Variants in FAM186B observed in about 807,000 individuals in gnomAD.
FAM186B encodes family with sequence similarity 186 member B.
FAM186B carries 68 observed loss-of-function variants against 83.4 expected under a neutral mutation model. The observed-to-expected ratio is 0.81, with a 90% CI of 0.67 to 1.00. The LOEUF is 1.00. Among genes scored for constraint, FAM186B ranks in the 50% least tolerant of loss-of-function variants. The probability of loss-of-function intolerance (pLI) is 0.00; values close to 1 mark genes in which losing one functional copy is unlikely to be tolerated. For missense variants in FAM186B, 983 were observed against 1,099.2 expected, an observed-to-expected ratio of 0.89 and a Z score of 1.49; for synonymous variants, 389 against 422.0, an observed-to-expected ratio of 0.92 and a Z score of 0.96.
At chr12:49,597,100 G>C (rs1271370401) in intron 5 of FAM186B, among the ~76,000 whole-genome samples, 1 of 152,216 alleles carries the variant, frequency 6.6e-6, no homozygotes, top group East Asian at 1.9e-4. Context: ...CAGATTTGCA[G>C]CCTAGCAGCA....
chr12:49,622,317 G>A, the FAM186B span, among the ~76,000 whole-genome samples: 1 of 151,300 alleles, frequency 6.6e-6, no homozygotes, highest in East Asian at 2.0e-4. Context: ...AGGACCCAGC[G>A]TGGGCAGTAC....
In FAM186B at chr12:49,587,571, C is replaced by A; in HGVS notation, c.*34G>T. On this transcript the variant is annotated 3_prime_UTR_variant, in exon 7 of 7. Coordinates refer to ENST00000257894, the MANE Select transcript of FAM186B (RefSeq NM_032130.3). ...ACCATCAGCCTCGCACCTTACTGGGCCTTCAGGAAGTTCAGGCTTTTGTGG... is the reference window on the plus strand; with the variant it reads ...ACCATCAGCCTCGCACCTTACTGGGACTTCAGGAAGTTCAGGCTTTTGTGG... 1 of 1,613,966 alleles carries A rather than the reference C, an allele frequency of 6.2e-7. No individual in the cohort carries two copies. Among genetic ancestry groups the A allele is most frequent in the Non-Finnish European group, 8.5e-7 (1 of 1,179,896 alleles).
rs527736464 is a variant in FAM186B, at chr12:49,600,299, G to A, written c.1341C>T (p.Tyr447=). 114 of 1,614,218 alleles carry A rather than the reference G, an allele frequency of 7.1e-5. 1 individual carries two copies. In the South Asian group the frequency reaches 1.1e-3, roughly 16 times the overall value. ...LGHKDKDQED[Y]FQKGGLQIKF... is the part of the protein sequence containing the mutation. The stretch of plus-strand genomic sequence containing the variant: ...TAATTTGGAGTCCTCCCTTCTGGAA[G>A]TAGTCCTCCTGGTCTTTGTCTTTGT... The change falls in exon 4 of 7, where the codon TAC becomes TAT. Residue 447 remains tyrosine (Y), a synonymous_variant. Coordinates refer to ENST00000257894, the MANE Select transcript of FAM186B (RefSeq NM_032130.3). The surrounding 1 kb of genome is among the most constrained non-coding windows in gnomAD (Gnocchi z 4.3).
At chr12:49,611,014 C>T in the FAM186B span, among the ~76,000 whole-genome samples, 20 of 151,244 alleles carry the variant, frequency 1.3e-4, no homozygotes, top group East Asian at 1.2e-3. Context: ...CCAAGGCGGG[C>T]GAATCACTTG....
downstream of FAM186B, among the ~76,000 whole-genome samples, chr12:49,586,714 C>G (rs1000681604): frequency 5.9e-5 from 9 of 152,326 alleles, no homozygotes; most frequent in Admixed American, 3.3e-4. Context: ...ACATGCACAT[C>G]CCCCTTGGAA....
Position 49,604,296 on chromosome 12 carries a change from C to G in FAM186B, c.322+17G>C. 6.2e-7 allele frequency: 1 copy of G among 1,608,224 alleles called. No individual in the cohort carries two copies. The highest frequency in any genetic ancestry group is 1.1e-5 in the South Asian group (1 of 90,794). ...TCCCCTCCCAGAGGAGGCACGGTGC[C>G]CAGCCTGCAAACTCACCCCAGTCAC... is the stretch of plus-strand genomic sequence containing the variant. On this transcript the variant is annotated intron_variant, in intron 2 of 6. Coordinates refer to ENST00000257894, the MANE Select transcript of FAM186B (RefSeq NM_032130.3).
chr12:49,622,024 A>T, the FAM186B span, among the ~76,000 whole-genome samples: 1 of 152,274 alleles, frequency 6.6e-6, no homozygotes, highest in Non-Finnish European at 1.5e-5. Context: ...TTCATTAAAG[A>T]AAAGAAAAGC....
At chr12:49,609,213 T>A (rs1414186000), upstream of FAM186B, among the ~76,000 whole-genome samples, 1 of 152,204 alleles carries the variant, frequency 6.6e-6, no homozygotes, top group Non-Finnish European at 1.5e-5. Context: ...ACCTGTGGAC[T>A]GGTCTGAGTG....
Position 49,587,904 on chromosome 12 carries a change from G to A in FAM186B, c.2535-152C>T, listed in dbSNP as rs553173196. On this transcript the variant is annotated intron_variant, in intron 6 of 6. Transcript: ENST00000257894. ...CCCTCCTCATCTCCCCTCCAACACT[G>A]AGTCTGAATCTCACTTCCTTGGGGC... 1.6e-4 allele frequency: 143 copies of A among 885,160 alleles called. 1 individual carries two copies. In the East Asian group the frequency reaches 3.5e-3, roughly 22 times the overall value. The allele number at this position is 885,160 out of a possible 1,614,324, so 54.8% of individuals were successfully genotyped here.
Position 49,600,469 on chromosome 12 carries a change from G to T in FAM186B, c.1171C>A (p.Pro391Thr). 6.2e-7 allele frequency: 1 copy of T among 1,613,586 alleles called. No homozygotes were observed. The highest frequency in any genetic ancestry group is 1.1e-5 in the South Asian group (1 of 90,966). Residue 391 changes from proline to threonine, a missense_variant, in exon 4 of 7, where the codon CCA becomes ACA. Transcript: ENST00000257894. This position sits in a 1 kb window ranked among gnomAD's most constrained non-coding sequence, Gnocchi z 4.3. ...DSGAIAAGHQ[P>T]LSTMTVRSRV... is the part of the protein sequence containing the mutation. ...GAGCGCACAGTCATGGTGGAAAGTG[G>T]CTGGTGCCCTGCAGCTATAGCACCA...
chr12:49,598,788 C>T lies in FAM186B; in HGVS notation c.2331G>A (p.Glu777=). The T allele has an allele frequency of 1.2e-6, 2 of 1,611,912 alleles. No homozygotes were observed. The highest frequency in any genetic ancestry group is 1.7e-6 in the Non-Finnish European group (2 of 1,179,754). The change falls in exon 5 of 7, where the codon GAG becomes GAA. Residue 777 remains glutamate, a synonymous_variant. Coordinates refer to ENST00000257894, the MANE Select transcript of FAM186B (RefSeq NM_032130.3). ...ACATGGTCACCATGCTGCTCAGGCA[C>T]TCTCGGTGCTTCTCCTCCAGCCCCT... ...KQKGLEEKHR[E]CLSSMVTMFP...
chr12:49,600,996 A>G lies in FAM186B; in HGVS notation c.644T>C (p.Met215Thr), dbSNP rs1162279072. The G allele has an allele frequency of 1.9e-6, 3 of 1,614,132 alleles. No homozygotes were observed. The African/African-American group carries it at 4.0e-5, about 22-fold the overall frequency. Reference protein sequence around the residue: ...MNTKASEVTSMLQELLDSTMF... With the variant: ...MNTKASEVTSTLQELLDSTMF... ...GGTAGAGTCCAGGAGCTCCTGCAGC[A>G]TGGACGTCACCTCCGAGGCCTTCGT... The change falls in exon 4 of 7, where the codon ATG becomes ACG. Residue 215 changes from methionine (M) to threonine (T), a missense_variant. By Grantham distance (81) the Met-to-Thr change is moderately conservative (BLOSUM62 -1). Transcript: ENST00000257894. This position sits in a 1 kb window ranked among gnomAD's most constrained non-coding sequence, Gnocchi z 4.3.
At chr12:49,609,403 C>T (rs1940062427), upstream of FAM186B, among the ~76,000 whole-genome samples, 1 of 152,232 alleles carries the variant, frequency 6.6e-6, no homozygotes, top group Non-Finnish European at 1.5e-5. Context: ...CTCTGCTCCA[C>T]ACCCAGGCAG....
In FAM186B at chr12:49,600,499, C is replaced by G; in HGVS notation, c.1141G>C (p.Asp381His). 1 of 1,614,028 alleles carries G rather than the reference C, an allele frequency of 6.2e-7. No individual in the cohort carries two copies. The highest frequency in any genetic ancestry group is 8.5e-7 in the Non-Finnish European group (1 of 1,179,954). The change falls in exon 4 of 7, where the codon GAC becomes CAC. Residue 381 changes from aspartate to histidine, a missense_variant. By Grantham distance (81) the Asp-to-His change is moderately conservative. Transcript: ENST00000257894. The surrounding 1 kb of genome is among the most constrained non-coding windows in gnomAD (Gnocchi z 4.3). Reference sequence around the variant, plus strand: ...TGCCCTGCAGCTATAGCACCACTGTCCCGTATCATGGCCATGGGACTTGGG... The same window carrying G: ...TGCCCTGCAGCTATAGCACCACTGTGCCGTATCATGGCCATGGGACTTGGG... ...LPPSPMAMIR[D>H]SGAIAAGHQP...
intron 5 of FAM186B, among the ~76,000 whole-genome samples, chr12:49,598,543 CAG>C (rs1363968002): frequency 6.6e-6 from 1 of 152,194 alleles, no homozygotes; most frequent in Non-Finnish European, 1.5e-5. Flanking sequence ...TCCCCAGAAA[CAG>C]ATTGGAAAGC....
At chr12:49,587,809 G>A in intron 6 of FAM186B, 57 bp from the exon 7 acceptor site, 1 of 1,562,634 alleles carries the variant, frequency 6.4e-7, no homozygotes, top group Non-Finnish European at 8.7e-7. Context: ...TGAGATGCAA[G>A]AGACTCTCCA....
rs1460177043 is a variant in FAM186B at position 49,600,049 on chromosome 12, G to T, written c.1591C>A (p.Gln531Lys). 9 of 1,606,212 alleles carry T rather than the reference G, an allele frequency of 5.6e-6. No homozygotes were observed. The Admixed American group carries it at 6.7e-5, about 12-fold the overall frequency. ...TTTTCTAGCTGGACCCATCTCCGCT[G>T]TTGCTCCCTGGCCAGGTCTTCCAGA... ...WNLEDLAREQ[Q>K]RRWVQLEKEQ... The change falls in exon 4 of 7, where the codon CAG becomes AAG. Residue 531 changes from glutamine (Q) to lysine (K), a missense_variant. Transcript: ENST00000257894. The surrounding 1 kb of genome is among the most constrained non-coding windows in gnomAD (Gnocchi z 4.3).
chr12:49,595,867 C>G (rs951257509), intron 5 of FAM186B, among the ~76,000 whole-genome samples: 1 of 152,176 alleles, frequency 6.6e-6, no homozygotes, highest in Non-Finnish European at 1.5e-5. Flanking sequence ...TGCCCATAGT[C>G]CCAGCTACTC....
At chr12:49,584,668 C>A (rs1939403446), downstream of FAM186B, 3 of 701,224 alleles carry the variant, frequency 4.3e-6, 1 homozygote, top group South Asian at 3.0e-5. Flanking sequence ...AAGGCCCAGG[C>A]CATGTGAGTG....
Sources: gnomAD v4.1 joint callset for allele counts (sites outside exome capture counted in the v4.1 genomes callset) on GRCh38, gnomAD v4.1.1 for gene constraint, Gnocchi (gnomAD v3.1) non-coding constraint, MANE v1.5 for transcripts, NCBI Gene and HGNC (gene_info 2026-07-23, HGNC 2026-07-21) for gene names.